TCAF1: variants seen among roughly 807,000 people sequenced by gnomAD.
The protein encoded by TCAF1 is TRPM8 channel-associated factor 1.
Under a neutral mutation model 27.3 loss-of-function variants are expected in TCAF1, and 4 were observed. The ratio of observed to expected loss-of-function variants is 0.15; its 90% CI spans 0.07 to 0.34. The LOEUF is 0.34. Ranked by LOEUF, TCAF1 falls within the 10% of genes least tolerant of loss-of-function variation. TCAF1 has a pLI of 1.00. For synonymous variants in TCAF1, 105 were observed against 167.1 expected, an observed-to-expected ratio of 0.63 and a Z score of 2.87; for missense variants, 257 against 425.8, an observed-to-expected ratio of 0.60 and a Z score of 3.49.
At chr7:143,880,691 C>G (rs958725949) in intron 1 of TCAF1, among the ~76,000 whole-genome samples, 2 of 152,162 alleles carry the variant, frequency 1.3e-5, no homozygotes, top group Non-Finnish European at 2.9e-5. Context: ...AAAAGGTCTT[C>G]CTCCATCTCT....
Position 143,851,560 on chromosome 7 carries a change from T to C in TCAF1, c.*2573A>G. 6.6e-6 allele frequency: 1 copy of C among 152,300 alleles called. No individual in the cohort carries two copies. Among genetic ancestry groups the C allele is most frequent in the Non-Finnish European group, 1.5e-5 (1 of 68,058 alleles). The allele number at this position is 152,300 out of a possible 1,614,324, so 9.4% of individuals were successfully genotyped here. On this transcript the variant is annotated 3_prime_UTR_variant, in exon 9 of 9. Transcript: ENST00000479870. ...TTTATTTTAGATCGTCTGGTAACTT[T>C]CTAACTTTAAATAATATGTTTGAGC...
chr7:143,875,675 A>G (rs1812655733), intron 2 of TCAF1, among the ~76,000 whole-genome samples: 1 of 152,084 alleles, frequency 6.6e-6, no homozygotes, highest in Non-Finnish European at 1.5e-5. Context: ...AACCTCTCCT[A>G]TAAACCATCT....
chr7:143,892,758 G>C (rs1813702598), intron 1 of TCAF1, among the ~76,000 whole-genome samples: 1 of 152,140 alleles, frequency 6.6e-6, no homozygotes, highest in Non-Finnish European at 1.5e-5. Context: ...ATGATGTCAT[G>C]AGTGTGAAAC....
chr7:143,885,344 G>A (rs1813344566), intron 1 of TCAF1: 2 of 985,040 alleles, frequency 2.0e-6, no homozygotes, highest in Non-Finnish European at 2.4e-6. Flanking sequence ...GGCGTGTGGG[G>A]GGAGGTGGGC....
intron 2 of TCAF1, among the ~76,000 whole-genome samples, chr7:143,875,034 T>C (rs990962997): frequency 1.3e-5 from 2 of 152,198 alleles, no homozygotes; most frequent in East Asian, 1.9e-4. Context: ...ACTATTCTGG[T>C]TGATCTTCCT....
intron 2 of TCAF1, among the ~76,000 whole-genome samples, chr7:143,874,821 G>C (rs1812600301): frequency 6.6e-6 from 1 of 152,184 alleles, no homozygotes; most frequent in African/African-American, 2.4e-5. Context: ...TGTAATTGGA[G>C]ATGTTCCTGT....
At chr7:143,895,828 A>T (rs10234060) in intron 1 of TCAF1, among the ~76,000 whole-genome samples, 52,924 of 150,670 alleles carry the variant, frequency 0.35, 9,460 homozygotes, top group East Asian at 0.42. Flanking sequence ...AAAATTAGGA[A>T]TTATATGCGT....
At chr7:143,885,258 T>C in intron 1 of TCAF1, 1 of 985,580 alleles carries the variant, frequency 1.0e-6, no homozygotes, top group Non-Finnish European at 1.2e-6. Flanking sequence ...GTGGGGAGTC[T>C]TCCACAGAGA....
At chr7:143,901,919 A>C (rs1814131911) in intron 1 of TCAF1, 42 bp downstream of exon 1, 1 of 151,918 alleles carries the variant, frequency 6.6e-6, no homozygotes, top group Non-Finnish European at 1.5e-5. Context: ...CCAGACGCTA[A>C]ACGTCGCACC....
At chr7:143,877,028 G>A (rs982711788) in intron 1 of TCAF1, among the ~76,000 whole-genome samples, 1 of 152,216 alleles carries the variant, frequency 6.6e-6, no homozygotes, top group Non-Finnish European at 1.5e-5. Context: ...TGATGTCCTT[G>A]TAAGAGGACA....
intron 6 of TCAF1, among the ~76,000 whole-genome samples, chr7:143,860,002 A>T (rs180783330): frequency 0.27 from 1,072 of 3,930 alleles, 147 homozygotes; most frequent in South Asian, 0.35. Flanking sequence ...ATATTATATA[A>T]TATATATATA....
intron 2 of TCAF1, among the ~76,000 whole-genome samples, chr7:143,874,550 C>T (rs551500777): frequency 2.5e-4 from 34 of 137,582 alleles, no homozygotes; most frequent in African/African-American, 7.8e-4. Context: ...ACCATTTGTA[C>T]GGCGTTCTTT....
At chr7:143,860,052 T>A (rs1177697304) in intron 6 of TCAF1, among the ~76,000 whole-genome samples, 156 bp downstream of exon 6, 1 of 81,432 alleles carries the variant, frequency 1.2e-5, no homozygotes, top group Non-Finnish European at 2.2e-5. Context: ...ATAATATATA[T>A]TATATATATT....
intron 1 of TCAF1, chr7:143,883,037 C>T (rs1052962015): frequency 5.2e-6 from 1 of 191,434 alleles, no homozygotes; most frequent in African/African-American, 2.4e-5. Context: ...CTGGAGACCC[C>T]ATCCTGGCAG....
chr7:143,859,225 T>C (rs1174298988), intron 6 of TCAF1, 64 bp from the exon 7 acceptor site: 1 of 1,319,842 alleles, frequency 7.6e-7, no homozygotes, highest in African/African-American at 1.5e-5. Context: ...GTAATATTCT[T>C]CTATGTTTTG....
chr7:143,894,845 C>T lies in TCAF1; in HGVS notation c.-15+7116G>A, dbSNP rs569294511. Among the ~76,000 whole-genome samples the T allele has an allele frequency of 1.2e-4, 18 of 151,266 alleles. No individual in the cohort carries two copies. In the South Asian group the frequency reaches 2.7e-3, roughly 23 times the overall value. On this transcript the variant is annotated intron_variant, in intron 1 of 8. Coordinates refer to ENST00000479870, the MANE Select transcript of TCAF1 (RefSeq NM_014719.3). ...ACAAGAAAAAATATATATGCATATT[C>T]GGAATATAATTTAACACACTCACAA... is the stretch of plus-strand genomic sequence containing the variant.
At chr7:143,860,608 G>A (rs1385161329) in intron 5 of TCAF1, among the ~76,000 whole-genome samples, 161 bp from the exon 6 acceptor site, 1 of 152,216 alleles carries the variant, frequency 6.6e-6, no homozygotes, top group African/African-American at 2.4e-5. Flanking sequence ...AGGACGTGCA[G>A]GTTTGTTCCA....
intron 1 of TCAF1, chr7:143,885,062 C>A: frequency 1.0e-6 from 1 of 985,398 alleles, no homozygotes. Flanking sequence ...CCGCGTGCGC[C>A]CCCCTCGGCC....
chr7:143,891,886 A>T (rs1478825898), intron 1 of TCAF1, among the ~76,000 whole-genome samples: 2 of 152,296 alleles, frequency 1.3e-5, no homozygotes, highest in Admixed American at 1.3e-4. Flanking sequence ...GATAAAGGAT[A>T]CTTTTCATTT....
Sources: allele counts gnomAD v4.1 joint callset (sites outside exome capture counted in the v4.1 genomes callset), GRCh38; gene constraint gnomAD v4.1.1; transcripts MANE v1.5; gene names NCBI Gene and HGNC (gene_info 2026-07-23, HGNC 2026-07-21).